The following B3GLCT variants were observed in gnomAD, a reference collection of about 807,000 sequenced individuals.
B3GLCT encodes the protein beta 3-glucosyltransferase.
In B3GLCT, 65 loss-of-function variants were observed where a neutral mutation model predicts 63.4. The ratio of observed to expected loss-of-function variants is 1.03; its 90% CI spans 0.84 to 1.26. The LOEUF is 1.26. Among genes scored for constraint, B3GLCT ranks in the 50% most tolerant of loss-of-function variants. The pLI is 0.00. For missense variants in B3GLCT, 577 were observed against 604.8 expected (o/e 0.95, Z 0.48); for synonymous variants, 233 against 219.2 (o/e 1.06, Z -0.55).
At chr13:31,313,857 G>A (rs1049443405) in intron 12 of B3GLCT, among the ~76,000 whole-genome samples, 1 of 152,234 alleles carries the variant, frequency 6.6e-6, no homozygotes, top group African/African-American at 2.4e-5. Flanking sequence ...GGCCCAGGAG[G>A]AAAAAGTGGT....
intron 10 of B3GLCT, 77 bp downstream of exon 10, chr13:31,276,848 G>A (rs1872817362): frequency 1.8e-6 from 2 of 1,129,676 alleles, no homozygotes; most frequent in Admixed American, 1.7e-5. Context: ...ATGAATTCTT[G>A]AGTGTAAATT....
At chr13:31,325,129 T>C (rs2137949693) in intron 14 of B3GLCT, among the ~76,000 whole-genome samples, 1 of 152,324 alleles carries the variant, frequency 6.6e-6, no homozygotes, top group South Asian at 2.1e-4. Flanking sequence ...GTTTGCATCA[T>C]CAGGAAAGGC....
rs775690111 is a variant in B3GLCT at position 31,329,509 on chromosome 13, G to C, written c.1338G>C (p.Pro446=). 5 of 1,614,080 alleles carry C rather than the reference G, an allele frequency of 3.1e-6. No individual in the cohort carries two copies. In the Admixed American group the frequency reaches 8.3e-5, roughly 27 times the overall value. The change falls in exon 15 of 15, where the codon CCG becomes CCC. Residue 446 remains proline, a synonymous_variant. Coordinates refer to ENST00000343307, the MANE Select transcript of B3GLCT (RefSeq NM_194318.4). ...CTCTATTTTTCCTGCAGGCTCGGCC[G>C]GTGGATTACCCTAAGGACTACCTTT... ...THSPLFHQAR[P]VDYPKDYLSH... is the part of the protein sequence containing the mutation.
intron 6 of B3GLCT, among the ~76,000 whole-genome samples, chr13:31,250,246 T>C (rs2137810528): frequency 6.6e-6 from 1 of 152,328 alleles, no homozygotes; most frequent in South Asian, 2.1e-4. Flanking sequence ...CAGTCTTGGC[T>C]CACTGCAACC....
At chr13:31,281,949 A>G (rs969450928) in intron 10 of B3GLCT, among the ~76,000 whole-genome samples, 1 of 152,238 alleles carries the variant, frequency 6.6e-6, no homozygotes, top group African/African-American at 2.4e-5. Context: ...CTTAGAGTCT[A>G]GAAAGCTCTA....
chr13:31,247,097 G>T lies in B3GLCT; in HGVS notation c.345G>T (p.Pro115=), dbSNP rs780553393. 6.2e-7 allele frequency: 1 copy of T among 1,611,662 alleles called. No individual in the cohort carries two copies. Among genetic ancestry groups the T allele is most frequent in the Non-Finnish European group, 8.5e-7 (1 of 1,178,128 alleles). ...CATGGACCATACTTCCGTTGTTACC[G>T]CAGTACGTTTGTTTAACTCACCTGT... ...EGAWTILPLL[P]HFSVTYSRNS... The change falls in exon 5 of 15, where the codon CCG becomes CCT. Residue 115 remains proline, a splice_region_variant and synonymous_variant. Transcript: ENST00000343307.
chr13:31,211,789 C>T (rs1177074094), intron 1 of B3GLCT, among the ~76,000 whole-genome samples: 1 of 152,158 alleles, frequency 6.6e-6, no homozygotes, highest in Non-Finnish European at 1.5e-5. Flanking sequence ...ACAGTTACAT[C>T]ATCAAATATT....
chr13:31,268,645 A>C (rs560117412), intron 7 of B3GLCT, among the ~76,000 whole-genome samples: 1 of 152,256 alleles, frequency 6.6e-6, no homozygotes, highest in South Asian at 2.1e-4. Context: ...GGGTGTAGCA[A>C]GTGGGTGCTG....
chr13:31,308,322 T>TA (rs1211618932), intron 12 of B3GLCT, among the ~76,000 whole-genome samples: 3 of 9,336 alleles, frequency 3.2e-4, no homozygotes, highest in African/African-American at 4.8e-4. Context: ...CCCTAAAACT[T>TA]AGAGTATAAT....
At chr13:31,230,781 G>T (rs1333089567) in intron 4 of B3GLCT, among the ~76,000 whole-genome samples, 1 of 152,126 alleles carries the variant, frequency 6.6e-6, no homozygotes, top group Non-Finnish European at 1.5e-5. Flanking sequence ...AGGCCGAGGT[G>T]GGTGGATCAT....
chr13:31,329,539 T>C lies in B3GLCT; in HGVS notation c.1368T>C (p.His456=). The stretch of plus-strand genomic sequence containing the variant: ...ATTACCCTAAGGACTACCTTTCTCA[T>C]CAAGTTCCCATATCGTTCCACAAAC... ...PVDYPKDYLS[H]QVPISFHKHW... is the part of the protein sequence containing the mutation. Residue 456 remains histidine, a synonymous_variant, in exon 15 of 15, where the codon CAT becomes CAC. Transcript: ENST00000343307. 1 of 1,614,214 alleles carries C rather than the reference T, an allele frequency of 6.2e-7. No homozygotes were observed. Among genetic ancestry groups the C allele is most frequent in the South Asian group, 1.1e-5 (1 of 91,092 alleles).
intron 6 of B3GLCT, among the ~76,000 whole-genome samples, chr13:31,253,454 G>A (rs530417984): frequency 4.1e-4 from 62 of 151,864 alleles, no homozygotes; most frequent in African/African-American, 1.3e-3. Context: ...TTAGCTGGGC[G>A]TGGTGGCGGG....
intron 1 of B3GLCT, among the ~76,000 whole-genome samples, chr13:31,202,556 G>A (rs1868732968): frequency 6.6e-6 from 1 of 152,164 alleles, no homozygotes; most frequent in Non-Finnish European, 1.5e-5. Context: ...TATAATCTGG[G>A]TTGGGGGGAA....
intron 1 of B3GLCT, among the ~76,000 whole-genome samples, chr13:31,206,984 G>A (rs1868990381): frequency 6.6e-6 from 1 of 152,162 alleles, no homozygotes; most frequent in African/African-American, 2.4e-5. Context: ...AAAAGTTAGA[G>A]CCGTGAGTTG....
chr13:31,300,125 G>T (rs2137905497), intron 12 of B3GLCT, among the ~76,000 whole-genome samples: 1 of 152,250 alleles, frequency 6.6e-6, no homozygotes, highest in African/African-American at 2.4e-5. Context: ...AGTAGCTCTT[G>T]GTTGGTCAGT....
At chr13:31,240,370 A>G (rs1371291567) in intron 4 of B3GLCT, among the ~76,000 whole-genome samples, 1 of 152,142 alleles carries the variant, frequency 6.6e-6, no homozygotes, top group Non-Finnish European at 1.5e-5. Flanking sequence ...AAAACCTGGC[A>G]TAATCTCAAC....
intron 3 of B3GLCT, among the ~76,000 whole-genome samples, chr13:31,227,811 G>A (rs147502523): frequency 0.013 from 1,933 of 152,298 alleles, 27 homozygotes; most frequent in Admixed American, 0.046. Flanking sequence ...CTGAGCTGAG[G>A]TGTTAAAGAG....
chr13:31,203,647 A>G (rs1037325678), intron 1 of B3GLCT, among the ~76,000 whole-genome samples: 1 of 152,316 alleles, frequency 6.6e-6, no homozygotes, highest in African/African-American at 2.4e-5. Context: ...AAAATTTGCA[A>G]ATGTTCTGTT....
intron 1 of B3GLCT, among the ~76,000 whole-genome samples, chr13:31,213,789 G>T (rs111689935): frequency 0.06 from 9,177 of 151,942 alleles, 364 homozygotes; most frequent in Non-Finnish European, 0.095. Context: ...GTGGAATTGG[G>T]GATTTATTAT....
Sources: allele counts gnomAD v4.1 joint callset (sites outside exome capture counted in the v4.1 genomes callset), GRCh38; gene constraint gnomAD v4.1.1; transcripts MANE v1.5; gene names NCBI Gene and HGNC (gene_info 2026-07-23, HGNC 2026-07-21).